The following CYP19A1 variants were observed in gnomAD, a reference collection of about 807,000 sequenced individuals.
CYP19A1 encodes cytochrome P450 family 19 subfamily A member 1.
In CYP19A1, 32 loss-of-function variants were observed where a neutral mutation model predicts 44.4. The observed-to-expected ratio is 0.72, with a 90% CI of 0.54 to 0.97. The LOEUF (loss-of-function observed/expected upper bound fraction) is 0.97. CYP19A1 is among the 50% of genes least tolerant of loss of function. CYP19A1 has a pLI of 0.00. For synonymous variants in CYP19A1, 212 were observed against 215.6 expected, an observed-to-expected ratio of 0.98 and a Z score of 0.14; for missense variants, 598 against 637.8, an observed-to-expected ratio of 0.94 and a Z score of 0.67.
intron 1 of CYP19A1, among the ~76,000 whole-genome samples, chr15:51,283,084 TAATA>T (rs758920967): frequency 6.6e-6 from 1 of 152,008 alleles, no homozygotes; most frequent in African/African-American, 2.4e-5. Flanking sequence ...ATGTGAGTGA[TAATA>T]AAGGCAGCTT....
chr15:51,309,345 C>T (rs1356180971), intron 1 of CYP19A1, among the ~76,000 whole-genome samples: 3 of 152,220 alleles, frequency 2.0e-5, no homozygotes, highest in Non-Finnish European at 2.9e-5. Context: ...GTTGGTTAAG[C>T]TACCCGGTCT....
At chr15:51,328,452 C>T (rs186351758) in intron 1 of CYP19A1, among the ~76,000 whole-genome samples, 2 of 152,248 alleles carry the variant, frequency 1.3e-5, no homozygotes, top group East Asian at 3.9e-4. Flanking sequence ...ACCGTCGTAA[C>T]AAACTGTGAT....
intron 1 of CYP19A1, among the ~76,000 whole-genome samples, chr15:51,330,142 G>A (rs2036676965): frequency 6.6e-6 from 1 of 152,178 alleles, no homozygotes; most frequent in Non-Finnish European, 1.5e-5. Context: ...AGGCACAAGG[G>A]CGGAATGGTG....
chr15:51,277,546 A>G (rs1354635608), intron 1 of CYP19A1, among the ~76,000 whole-genome samples: 11 of 152,256 alleles, frequency 7.2e-5, no homozygotes, highest in Non-Finnish European at 1.3e-4. Flanking sequence ...ATTGGATTAA[A>G]AAGCTAAAGT....
chr15:51,334,820 G>A (rs2036752570), intron 1 of CYP19A1, among the ~76,000 whole-genome samples: 1 of 152,218 alleles, frequency 6.6e-6, no homozygotes. Context: ...TAAGATTAAA[G>A]CATGCTTCAG....
intron 1 of CYP19A1, among the ~76,000 whole-genome samples, chr15:51,293,321 C>T (rs1233548008): frequency 1.3e-5 from 2 of 152,076 alleles, no homozygotes; most frequent in African/African-American, 4.8e-5. Context: ...GTAGAATTTG[C>T]ACAATTGTAA....
At chr15:51,236,758 GT>G in intron 3 of CYP19A1, 100 bp downstream of exon 3, 1 of 1,395,430 alleles carries the variant, frequency 7.2e-7, no homozygotes, top group Non-Finnish European at 1.0e-6. Context: ...AAAATATAGC[GT>G]TAGAAACAAA....
intron 1 of CYP19A1, among the ~76,000 whole-genome samples, chr15:51,294,680 G>C (rs1424668697): frequency 1.3e-4 from 11 of 85,604 alleles, no homozygotes; most frequent in African/African-American, 6.2e-4. Context: ...GGAGGGAGGT[G>C]GGGGGTCAGC....
Position 51,242,791 on chromosome 15 carries a change from T to C in CYP19A1, c.122A>G (p.Tyr41Cys). The change falls in exon 2 of 10, where the codon TAT becomes TGT. Residue 41 changes from tyrosine (Y) to cysteine (C), a missense_variant. Tyr to Cys is a radical substitution (Grantham distance 194, BLOSUM62 -2). Coordinates refer to ENST00000396402, the MANE Select transcript of CYP19A1 (RefSeq NM_000103.4). ...LTGLFLLVWNYEGTSSIPGPG... is the reference protein window; with the variant it reads ...LTGLFLLVWNCEGTSSIPGPG... ...ACCTGGTATTGAGGATGTGCCCTCA[T>C]AATTCCACACCAAGAGAAAAAGGCC... 5.1e-6 allele frequency: 8 copies of C among 1,579,456 alleles called. No homozygotes were observed. The highest frequency in any genetic ancestry group is 7.0e-6 in the Non-Finnish European group (8 of 1,148,428).
At chr15:51,273,750 A>G (rs971916243) in intron 1 of CYP19A1, among the ~76,000 whole-genome samples, 13 of 152,166 alleles carry the variant, frequency 8.5e-5, no homozygotes, top group African/African-American at 3.1e-4. Context: ...TCATGCCTGT[A>G]ATCCCAGCAC....
intron 1 of CYP19A1, among the ~76,000 whole-genome samples, chr15:51,273,766 G>A (rs775370493): frequency 6.6e-6 from 1 of 152,182 alleles, no homozygotes; most frequent in Non-Finnish European, 1.5e-5. Context: ...AGCACTTTGG[G>A]AGGCCAAGGT....
intron 1 of CYP19A1, among the ~76,000 whole-genome samples, chr15:51,288,318 G>A (rs1159159934): frequency 3.9e-5 from 6 of 151,940 alleles, no homozygotes; most frequent in East Asian, 1.9e-4. Context: ...AGCTGCCACC[G>A]CTCTGCCCAC....
At chr15:51,233,178 G>T (rs762697107) in intron 3 of CYP19A1, among the ~76,000 whole-genome samples, 1 of 152,042 alleles carries the variant, frequency 6.6e-6, no homozygotes, top group African/African-American at 2.4e-5. Flanking sequence ...CTCTACAACT[G>T]GTCCTCCCCC....
At chr15:51,295,387 T>C (rs185670789) in intron 1 of CYP19A1, among the ~76,000 whole-genome samples, 13 of 152,238 alleles carry the variant, frequency 8.5e-5, no homozygotes, top group Non-Finnish European at 1.6e-4. Flanking sequence ...TCCCCTCCAT[T>C]CCTAGGCCCA....
intron 1 of CYP19A1, among the ~76,000 whole-genome samples, chr15:51,256,099 C>T (rs2034503925): frequency 6.6e-6 from 1 of 152,208 alleles, no homozygotes; most frequent in Non-Finnish European, 1.5e-5. Flanking sequence ...ATCTTTATCA[C>T]CACAGCAGAA....
chr15:51,291,910 A>G lies in CYP19A1; in HGVS notation c.-39+46585T>C, dbSNP rs114838103. 5.5e-3 allele frequency among the ~76,000 whole-genome samples: 836 copies of G among 152,336 alleles called. 11 individuals carry two copies. Among genetic ancestry groups the G allele is most frequent in the African/African-American group, 0.019 (805 of 41,576 alleles). ...AGTCCAAGGAAGAAAGTAGAAAAAA[A>G]GGAAAGAGAAGCCATCAGCTTAGAA... On this transcript the variant is annotated intron_variant, in intron 1 of 9. Coordinates refer to ENST00000396402, the MANE Select transcript of CYP19A1 (RefSeq NM_000103.4).
At chr15:51,269,117 C>T (rs1004849390) in intron 1 of CYP19A1, among the ~76,000 whole-genome samples, 7 of 152,052 alleles carry the variant, frequency 4.6e-5, no homozygotes, top group African/African-American at 1.7e-4. Flanking sequence ...CCAAGGTCAC[C>T]TCCTCTTTTC....
intron 2 of CYP19A1, 144 bp downstream of exon 2, chr15:51,242,624 A>C: frequency 1.5e-6 from 1 of 664,694 alleles, no homozygotes; most frequent in South Asian, 1.7e-5. Flanking sequence ...TTTTCTCCCA[A>C]GTCCTCATTT....
At chr15:51,267,285 G>T (rs1414065992) in intron 1 of CYP19A1, among the ~76,000 whole-genome samples, 1 of 152,262 alleles carries the variant, frequency 6.6e-6, no homozygotes, top group African/African-American at 2.4e-5. Context: ...GGCTGCCTGC[G>T]GTCGGTGCCG....
Sources: gnomAD v4.1 joint callset for allele counts (sites outside exome capture counted in the v4.1 genomes callset) on GRCh38, gnomAD v4.1.1 for gene constraint, MANE v1.5 for transcripts, NCBI Gene and HGNC (gene_info 2026-07-23, HGNC 2026-07-21) for gene names.